DCDC1: variants seen among roughly 807,000 people sequenced by gnomAD.
The protein encoded by DCDC1 is doublecortin domain-containing protein 1.
Under a neutral mutation model 178.3 loss-of-function variants are expected in DCDC1, and 200 were observed. The observed-to-expected ratio is 1.12, with a 90% CI of 1.00 to 1.26. The LOEUF (loss-of-function observed/expected upper bound fraction) is 1.26, where lower values mean the gene tolerates loss of function less well. Among genes scored for constraint, DCDC1 ranks in the 50% most tolerant of loss-of-function variants. DCDC1 has a pLI of 0.00. For synonymous variants in DCDC1, 690 were observed against 604.8 expected (o/e 1.14, Z -2.07); for missense variants, 1,983 against 1,749.2 (o/e 1.13, Z -2.38).
intron 17 of DCDC1, among the ~76,000 whole-genome samples, chr11:31,085,918 G>A (rs1957445860): frequency 6.6e-6 from 1 of 151,960 alleles, no homozygotes; most frequent in Non-Finnish European, 1.5e-5. Flanking sequence ...TGTAGACACA[G>A]GGTCTCACTA....
chr11:31,148,778 C>G (rs1350166475), intron 9 of DCDC1, among the ~76,000 whole-genome samples: 3 of 151,278 alleles, frequency 2.0e-5, no homozygotes, highest in Non-Finnish European at 2.9e-5. Context: ...TTTCAAGGTA[C>G]AGATGGTTTT....
At chr11:31,166,705 T>C (rs1297947722) in intron 9 of DCDC1, among the ~76,000 whole-genome samples, 4 of 152,222 alleles carry the variant, frequency 2.6e-5, no homozygotes, top group African/African-American at 9.6e-5. Context: ...TATTTGTCTG[T>C]GTGACTTTCT....
intron 17 of DCDC1, among the ~76,000 whole-genome samples, chr11:31,080,881 A>G (rs961849340): frequency 2.0e-5 from 3 of 152,272 alleles, no homozygotes; most frequent in East Asian, 1.9e-4. Context: ...TTTTCAAAGT[A>G]TACGACATCT....
rs1017947829 is a variant in DCDC1, at chr11:31,313,894, T to C, written c.165-5986A>G. Among the ~76,000 whole-genome samples the C allele has an allele frequency of 1.1e-4, 17 of 152,224 alleles. 1 individual carries two copies. The highest frequency in any genetic ancestry group is 4.1e-4 in the African/African-American group (17 of 41,466). On this transcript the variant is annotated intron_variant, in intron 3 of 38. Transcript: ENST00000684477. ...TTCTATAACATTCTGGAACCTGGGC[T>C]AATTTTATAACATAGATTTTCTTTT...
chr11:30,924,780 T>C (rs931395982), intron 23 of DCDC1, among the ~76,000 whole-genome samples: 1 of 152,000 alleles, frequency 6.6e-6, no homozygotes, highest in Admixed American at 6.6e-5. Flanking sequence ...GAACATTAAG[T>C]AGATTAATTC....
chr11:31,294,628 GGGAGGGAAGGGGAGGGGA>G (rs1429584424), intron 6 of DCDC1, among the ~76,000 whole-genome samples: 1 of 4,464 alleles, frequency 2.2e-4, no homozygotes, highest in Non-Finnish European at 5.1e-4. Context: ...GGGGAGGGGA[GGGAGGGAAGGGGAGGGGA>G]GGGAGGGGGG....
chr11:31,177,406 G>A (rs575434133), intron 9 of DCDC1, among the ~76,000 whole-genome samples: 7 of 151,502 alleles, frequency 4.6e-5, no homozygotes, highest in African/African-American at 1.7e-4. Context: ...TTAAGACTGA[G>A]ATGAAGAGAA....
chr11:30,874,270 A>T (rs541381362), intron 38 of DCDC1, among the ~76,000 whole-genome samples: 20 of 152,270 alleles, frequency 1.3e-4, no homozygotes, highest in African/African-American at 4.6e-4. Context: ...CAGATTCCTT[A>T]TACCTTAGGC....
chr11:31,225,380 G>T (rs374442388), intron 9 of DCDC1, among the ~76,000 whole-genome samples: 1 of 148,972 alleles, frequency 6.7e-6, no homozygotes, highest in South Asian at 2.1e-4. Flanking sequence ...GGAAAGTTGG[G>T]GGGGAGTGAA....
At chr11:30,877,157 G>A (rs1942209492) in intron 38 of DCDC1, among the ~76,000 whole-genome samples, 1 of 152,160 alleles carries the variant, frequency 6.6e-6, no homozygotes, top group Non-Finnish European at 1.5e-5. Context: ...CAGCCCTACT[G>A]ATTTGCAGAC....
chr11:30,997,985 G>T (rs1033576461), intron 20 of DCDC1, among the ~76,000 whole-genome samples: 4 of 152,110 alleles, frequency 2.6e-5, no homozygotes, highest in African/African-American at 9.7e-5. Flanking sequence ...CACAAAGTAA[G>T]AGAGAGTTTA....
At chr11:31,087,208 C>T (rs186446706) in intron 17 of DCDC1, among the ~76,000 whole-genome samples, 36 of 152,164 alleles carry the variant, frequency 2.4e-4, no homozygotes, top group African/African-American at 6.7e-4. Flanking sequence ...TTAATAACTG[C>T]GTGATATCTC....
rs1300469775 is a variant in DCDC1, at chr11:30,894,336, C to A, written c.4814G>T (p.Ser1605Ile). 2 of 1,613,764 alleles carry A rather than the reference C, an allele frequency of 1.2e-6. No homozygotes were observed. Among genetic ancestry groups the A allele is most frequent in the Admixed American group, 1.7e-5 (1 of 59,996 alleles). Residue 1605 changes from serine (S) to isoleucine (I), a missense_variant, in exon 35 of 39, where the codon AGC becomes ATC. Coordinates refer to ENST00000684477, the MANE Select transcript of DCDC1 (RefSeq NM_001387274.1). ...CQPATMVPTK[S>I]PVQPVVVEGG... ...TTCAACCACCACGGGCTGCACAGGGCTCTTGGTAGGAACCATGGTGGCTGG... is the reference window on the plus strand; with the variant it reads ...TTCAACCACCACGGGCTGCACAGGGATCTTGGTAGGAACCATGGTGGCTGG...
intron 8 of DCDC1, among the ~76,000 whole-genome samples, chr11:31,242,312 G>A (rs1977256887): frequency 6.6e-6 from 1 of 151,860 alleles, no homozygotes. Flanking sequence ...CATCCATAAG[G>A]AGTTGACAAA....
intron 9 of DCDC1, among the ~76,000 whole-genome samples, chr11:31,179,066 T>C (rs533803698): frequency 2.0e-5 from 3 of 152,152 alleles, no homozygotes; most frequent in African/African-American, 7.2e-5. Flanking sequence ...CTGACAGGTA[T>C]ATGAAAAAAA....
Position 30,916,854 on chromosome 11 carries a change from C to T in DCDC1, c.3452+16G>A. The T allele has an allele frequency of 6.3e-7, 1 of 1,586,654 alleles. No individual in the cohort carries two copies. Among genetic ancestry groups the T allele is most frequent in the Admixed American group, 1.8e-5 (1 of 56,082 alleles). The stretch of plus-strand genomic sequence containing the variant: ...TAGACAGAAATCTTTAAGAGGAATC[C>T]TTTGCAACTTTTTACCTGTGTTTCT... On this transcript the variant is annotated intron_variant, in intron 26 of 38. Coordinates refer to ENST00000684477, the MANE Select transcript of DCDC1 (RefSeq NM_001387274.1).
At chr11:31,269,490 C>G (rs763830430) in intron 7 of DCDC1, among the ~76,000 whole-genome samples, 1 of 151,792 alleles carries the variant, frequency 6.6e-6, no homozygotes, top group Non-Finnish European at 1.5e-5. Context: ...TCAGGCAATC[C>G]TACTAGGTCT....
At chr11:31,047,757 C>G (rs917380170) in intron 20 of DCDC1, among the ~76,000 whole-genome samples, 5 of 152,054 alleles carry the variant, frequency 3.3e-5, no homozygotes, top group African/African-American at 1.2e-4. Flanking sequence ...TTAAAGACCA[C>G]TGTAATACTA....
chr11:31,137,816 G>A (rs1487128541), intron 9 of DCDC1, 32 bp from the exon 10 acceptor site: 2 of 696,888 alleles, frequency 2.9e-6, no homozygotes, highest in East Asian at 2.7e-5. Context: ...CATGAAAGCA[G>A]GTATCTATTG....
Sources: allele counts gnomAD v4.1 joint callset (sites outside exome capture counted in the v4.1 genomes callset), GRCh38; gene constraint gnomAD v4.1.1; transcripts MANE v1.5; gene names NCBI Gene and HGNC (gene_info 2026-07-23, HGNC 2026-07-21).